EPHA5: variants seen among roughly 807,000 people sequenced by gnomAD.
EPHA5 encodes the protein EPH receptor A5.
In EPHA5, 60 loss-of-function variants were observed where a neutral mutation model predicts 105.0. That is an observed-to-expected ratio of 0.57 (90% confidence interval 0.46 to 0.71). EPHA5 has a LOEUF of 0.71. Among genes scored for constraint, EPHA5 ranks in the 30% least tolerant of loss-of-function variants. The pLI, the probability that EPHA5 is intolerant of heterozygous loss-of-function variation, is 0.00. For synonymous variants in EPHA5, 513 were observed against 449.1 expected (o/e 1.14, Z -1.80); for missense variants, 1,218 against 1,274.7 (o/e 0.96, Z 0.68).
intron 1 of EPHA5, among the ~76,000 whole-genome samples, chr4:65,647,332 A>T (rs1362577594): frequency 6.8e-6 from 1 of 148,032 alleles, no homozygotes. Context: ...CTGTCTCAAA[A>T]AAAAAAAAAA....
chr4:65,586,100 A>T (rs1004304598), intron 3 of EPHA5, among the ~76,000 whole-genome samples: 6 of 151,642 alleles, frequency 4.0e-5, no homozygotes, highest in African/African-American at 1.4e-4. Context: ...ATTTTCCTTA[A>T]TTATTGAACT....
chr4:65,320,036 T>G lies in EPHA5; in HGVS notation c.*4078A>C, dbSNP rs1719511842. 4.3e-6 allele frequency: 1 copy of G among 230,322 alleles called. No individual in the cohort carries two copies. Among genetic ancestry groups the G allele is most frequent in the Non-Finnish European group, 8.6e-6 (1 of 116,154 alleles). The allele number at this position is 230,322 out of a possible 1,614,324, so 14.3% of individuals were successfully genotyped here. ...AAACAACATTTGATTCTGATTATTA[T>G]AAACAGACTTTTTTTCTTTTAAAAG... On this transcript the variant is annotated 3_prime_UTR_variant, in exon 17 of 17. Transcript: ENST00000613740.
chr4:65,446,302 C>T (rs1309434034), intron 5 of EPHA5, among the ~76,000 whole-genome samples: 1 of 152,072 alleles, frequency 6.6e-6, no homozygotes, highest in Non-Finnish European at 1.5e-5. Flanking sequence ...GAATAAAATC[C>T]TATCATAATC....
chr4:65,447,388 C>T (rs1726652533), intron 5 of EPHA5, among the ~76,000 whole-genome samples: 1 of 151,680 alleles, frequency 6.6e-6, no homozygotes, highest in Non-Finnish European at 1.5e-5. Flanking sequence ...ATTATTGCTC[C>T]TTTTGTACCA....
Position 65,320,447 on chromosome 4 carries a change from T to G in EPHA5, c.*3667A>C, listed in dbSNP as rs2148767368. ...ACAGTTTACTATCACACTTCTTTTT[T>G]TTCTTATTTTTAGGAAAAACAAAAT... On this transcript the variant is annotated 3_prime_UTR_variant, in exon 17 of 17. Transcript: ENST00000613740. 4.4e-6 allele frequency: 1 copy of G among 229,596 alleles called. No homozygotes were observed. The highest frequency in any genetic ancestry group is 2.2e-5 in the African/African-American group (1 of 45,196). The allele number at this position is 229,596 out of a possible 1,614,324, so 14.2% of individuals were successfully genotyped here. A position where few individuals can be genotyped will look rare whatever the true frequency, so the allele number is the denominator to read the frequency against.
At chr4:65,445,926 C>T (rs148348649) in intron 5 of EPHA5, among the ~76,000 whole-genome samples, 61 of 152,186 alleles carry the variant, frequency 4.0e-4, no homozygotes, top group African/African-American at 1.4e-3. Context: ...TGAAATTGAA[C>T]ATTCAAAATA....
chr4:65,561,271 A>T (rs1006012414), intron 3 of EPHA5, among the ~76,000 whole-genome samples: 2 of 152,108 alleles, frequency 1.3e-5, no homozygotes, highest in African/African-American at 4.8e-5. Flanking sequence ...GGGAAGACCT[A>T]TCAAATGTCT....
chr4:65,547,843 G>T (rs974616525), intron 3 of EPHA5, among the ~76,000 whole-genome samples: 3 of 151,962 alleles, frequency 2.0e-5, no homozygotes, highest in African/African-American at 7.2e-5. Context: ...ACCCTGAAAG[G>T]CTGCAGTCTA....
In EPHA5 at chr4:65,319,576, A is replaced by C. The variant is rs1267801951; in HGVS notation, c.*4538T>G. On this transcript the variant is annotated 3_prime_UTR_variant, in exon 17 of 17. Coordinates refer to ENST00000613740, the MANE Select transcript of EPHA5 (RefSeq NM_001281766.3). ...GACAATCAGATGTAACTGTATTCAA[A>C]GGGTTTTTATTTTCTGAAAAAATAT... The C allele has an allele frequency of 1.0e-5, 2 of 199,948 alleles. No homozygotes were observed. The highest frequency in any genetic ancestry group is 2.3e-5 in the African/African-American group (1 of 43,536). The allele number at this position is 199,948 out of a possible 1,614,324, so 12.4% of individuals were successfully genotyped here.
chr4:65,366,513 T>G (rs1291373238), intron 9 of EPHA5, among the ~76,000 whole-genome samples: 1 of 151,882 alleles, frequency 6.6e-6, no homozygotes, highest in Non-Finnish European at 1.5e-5. Flanking sequence ...GACATATAAG[T>G]CAAAAGAAAG....
chr4:65,493,353 A>T lies in EPHA5; in HGVS notation c.1066+2035T>A, dbSNP rs560743374. On this transcript the variant is annotated intron_variant, in intron 4 of 16. Coordinates refer to ENST00000613740, the MANE Select transcript of EPHA5 (RefSeq NM_001281766.3). ...TTGTTTGATTTTTTCCTGTAGGCTT[A>T]TAAAATGTTGTTATATAGATTTAAA... 3.3e-5 allele frequency among the ~76,000 whole-genome samples: 5 copies of T among 152,228 alleles called. No homozygotes were observed. In the East Asian group the frequency reaches 7.7e-4, roughly 24 times the overall value.
chr4:65,468,556 A>G (rs1172634672), intron 5 of EPHA5, among the ~76,000 whole-genome samples: 2 of 61,490 alleles, frequency 3.3e-5, no homozygotes, highest in Non-Finnish European at 5.9e-5. Flanking sequence ...TATAATATAT[A>G]TATTATATAT....
At chr4:65,349,091 C>T (rs991286275) in intron 13 of EPHA5, among the ~76,000 whole-genome samples, 2 of 151,846 alleles carry the variant, frequency 1.3e-5, no homozygotes, top group Non-Finnish European at 2.9e-5. Context: ...GCTGGGATTA[C>T]AGGCGTGAGC....
chr4:65,501,102 G>A (rs1008116739), intron 3 of EPHA5, among the ~76,000 whole-genome samples: 4 of 151,308 alleles, frequency 2.6e-5, no homozygotes, highest in African/African-American at 9.7e-5. Context: ...TTTAGTGTGG[G>A]TTTAAAATAT....
At position 65,351,481 on chromosome 4, in the gene EPHA5, T is replaced by C. The variant is rs2148854781; in HGVS notation, c.2353A>G (p.Ile785Val). 2.5e-6 allele frequency: 4 copies of C among 1,613,844 alleles called. No homozygotes were observed. The highest frequency in any genetic ancestry group is 3.4e-6 in the Non-Finnish European group (4 of 1,179,852). The part of the protein sequence containing the change: ...YVHRDLAARN[I>V]LINSNLVCKV... ...CACACAAGGTTACTGTTGATTAAGA[T>C]GTTTCTGGCAGCAAGATCTCTATGC... The change falls in exon 13 of 17, where the codon ATC becomes GTC. Residue 785 changes from isoleucine to valine, a missense_variant. This residue lies in a region of EPHA5 where 971 missense variants were observed against 1,013.5 expected (regional missense o/e 0.96). Coordinates refer to ENST00000613740, the MANE Select transcript of EPHA5 (RefSeq NM_001281766.3).
At chr4:65,590,761 C>T (rs1742559316) in intron 3 of EPHA5, among the ~76,000 whole-genome samples, 1 of 152,216 alleles carries the variant, frequency 6.6e-6, no homozygotes, top group South Asian at 2.1e-4. Flanking sequence ...CCATGGGGTA[C>T]ACTAAATAAG....
intron 3 of EPHA5, among the ~76,000 whole-genome samples, chr4:65,515,425 A>C (rs910109224): frequency 5.3e-5 from 8 of 152,244 alleles, no homozygotes; most frequent in South Asian, 4.1e-4. Flanking sequence ...ACCCATATAT[A>C]AATTTCAGGA....
chr4:65,495,281 A>G, intron 4 of EPHA5, 107 bp downstream of exon 4: 1 of 1,189,144 alleles, frequency 8.4e-7, no homozygotes, highest in Non-Finnish European at 1.2e-6. Flanking sequence ...ATTAAACATT[A>G]TGTCTGTTTT....
chr4:65,334,153 A>G (rs572828687), intron 15 of EPHA5, among the ~76,000 whole-genome samples: 1 of 152,006 alleles, frequency 6.6e-6, no homozygotes, highest in East Asian at 1.9e-4. Context: ...TATTTTGTTC[A>G]GTGTCTCTCT....
Sources: gnomAD v4.1 joint callset for allele counts (sites outside exome capture counted in the v4.1 genomes callset) on GRCh38, gnomAD v4.1.1 for gene constraint, gnomAD v4.1.1 regional missense constraint, MANE v1.5 for transcripts, NCBI Gene and HGNC (gene_info 2026-07-23, HGNC 2026-07-21) for gene names.